RFT1: variants seen among roughly 807,000 people sequenced by gnomAD.
RFT1 encodes the protein man(5)GlcNAc(2)-PP-dolichol translocation protein RFT1.
Under a neutral mutation model 62.2 loss-of-function variants are expected in RFT1, and 43 were observed. The ratio of observed to expected loss-of-function variants is 0.69; its 90% CI spans 0.54 to 0.89. The LOEUF (loss-of-function observed/expected upper bound fraction) is 0.89. Ranked by LOEUF, RFT1 falls within the 40% of genes least tolerant of loss-of-function variation. The pLI, the probability that RFT1 is intolerant of heterozygous loss-of-function variation, is 0.00. For synonymous variants in RFT1, 262 were observed against 264.6 expected (o/e 0.99, Z 0.10); for missense variants, 605 against 649.9 (o/e 0.93, Z 0.75).
downstream of RFT1, among the ~76,000 whole-genome samples, chr3:53,086,886 G>A (rs1194869955): frequency 6.6e-6 from 1 of 152,130 alleles, no homozygotes; most frequent in Non-Finnish European, 1.5e-5. Context: ...CAAGCCCCCT[G>A]CACACCCGTC....
chr3:53,113,042 G>T (rs1052944331), intron 6 of RFT1, among the ~76,000 whole-genome samples: 1 of 152,106 alleles, frequency 6.6e-6, no homozygotes, highest in African/African-American at 2.4e-5. Context: ...TAGAAACAGG[G>T]TCTCACTCTA....
chr3:53,104,854 C>T (rs1186400246), intron 9 of RFT1, among the ~76,000 whole-genome samples: 1 of 152,208 alleles, frequency 6.6e-6, no homozygotes, highest in Non-Finnish European at 1.5e-5. Context: ...TTTACCAACC[C>T]GAGTATACAG....
At position 53,105,726 on chromosome 3, in the gene RFT1, T is replaced by C. The variant is rs748068081; in HGVS notation, c.904A>G (p.Ile302Val). 34 of 1,613,860 alleles carry C rather than the reference T, an allele frequency of 2.1e-5. No homozygotes were observed. Among genetic ancestry groups the C allele is most frequent in the Non-Finnish European group, 2.8e-5 (33 of 1,179,876 alleles). ...CTCTCCAGCACCTTAGCAAAAAATA[T>C]ATAAAAACTTTCCTCTATTGGCTGG... Reference protein sequence around the residue: ...IFQPIEESFYIFFAKVLERGK... With the variant: ...IFQPIEESFYVFFAKVLERGK... The change falls in exon 9 of 13, where the codon ATA (isoleucine) becomes GTA (valine). Residue 302 changes from isoleucine (I) to valine (V), a missense_variant. Physicochemically the swap from Ile to Val is conservative, Grantham distance 29. Transcript: ENST00000296292.
the RFT1 span, among the ~76,000 whole-genome samples, chr3:53,070,393 G>GGTTTTT: frequency 3.4e-4 from 29 of 85,464 alleles, 6 homozygotes; most frequent in South Asian, 4.9e-4. Context: ...CTGTATTATG[G>GGTTTTT]TTTTTTTTTT....
At chr3:53,087,463 G>T (rs986920894), downstream of RFT1, among the ~76,000 whole-genome samples, 5 of 152,022 alleles carry the variant, frequency 3.3e-5, no homozygotes, top group African/African-American at 9.7e-5. Flanking sequence ...TCCTCCTCCA[G>T]GTTCTGGATG....
chr3:53,120,072 A>T, intron 5 of RFT1, 51 bp from the exon 6 acceptor site: 1 of 1,476,214 alleles, frequency 6.8e-7, no homozygotes, highest in Non-Finnish European at 9.2e-7. Context: ...AGATATGCCT[A>T]TAAATTTGAT....
chr3:53,122,715 C>T (rs1380648111), intron 3 of RFT1, 152 bp from the exon 4 acceptor site: 19 of 375,010 alleles, frequency 5.1e-5, no homozygotes, highest in Middle Eastern at 8.2e-4. Context: ...CTATGATTCA[C>T]GCCGCTTATC....
Position 53,130,379 on chromosome 3 carries a change from C to T in RFT1, c.22G>A (p.Gly8Ser). Residue 8 changes from glycine to serine, a missense_variant, in exon 1 of 13, where the codon GGC becomes AGC. Coordinates refer to ENST00000296292, the MANE Select transcript of RFT1 (RefSeq NM_052859.4). Reference protein sequence around the residue: MGSQEVLGHAARLASSGL... With the variant: MGSQEVLSHAARLASSGL... ...GAGGAGGCCAGCCGGGCCGCGTGGC[C>T]CAGCACCTCCTGGCTGCCCATAGCC... 1 of 1,560,722 alleles carries T rather than the reference C, an allele frequency of 6.4e-7. No homozygotes were observed. Among genetic ancestry groups the T allele is most frequent in the Non-Finnish European group, 8.7e-7 (1 of 1,152,656 alleles).
the RFT1 span, among the ~76,000 whole-genome samples, chr3:53,078,831 C>A: frequency 6.6e-6 from 1 of 152,224 alleles, no homozygotes; most frequent in African/African-American, 2.4e-5. Context: ...TATGCACAGG[C>A]CCACTGGCTC....
intron 1 of RFT1, among the ~76,000 whole-genome samples, chr3:53,128,809 C>A (rs577932803): frequency 2.6e-5 from 4 of 152,300 alleles, no homozygotes. Flanking sequence ...CCGCGTCCAG[C>A]CAACTTTACA....
At position 53,105,706 on chromosome 3, in the gene RFT1, C is replaced by T. The variant is rs140603849; in HGVS notation, c.924G>A (p.Leu308=). Residue 308 remains leucine (L), a synonymous_variant, in exon 9 of 13, where the codon CTG becomes CTA. Transcript: ENST00000296292. ...GAAGTGTGGCATCCTTTCCCCTCTC[C>T]AGCACCTTAGCAAAAAATATATAAA... The part of the protein sequence containing the change: ...ESFYIFFAKV[L]ERGKDATLQK... 2,483 of 1,613,898 alleles carry T rather than the reference C, an allele frequency of 1.5e-3. 47 individuals are homozygous for T. The South Asian group carries it at 0.024, about 16-fold the overall frequency.
chr3:53,106,776 T>C, intron 8 of RFT1, 43 bp downstream of exon 8: 4 of 1,328,362 alleles, frequency 3.0e-6, no homozygotes, highest in South Asian at 1.2e-5. Context: ...TATCTATTAA[T>C]AGTGTTCACC....
At chr3:53,088,218 G>A (rs186703235), downstream of RFT1, among the ~76,000 whole-genome samples, 1 of 152,274 alleles carries the variant, frequency 6.6e-6, no homozygotes, top group African/African-American at 2.4e-5. Context: ...CGCAAACAAC[G>A]GGAAATACAG....
chr3:53,068,487 C>T, the RFT1 span, among the ~76,000 whole-genome samples: 3 of 152,226 alleles, frequency 2.0e-5, no homozygotes, highest in African/African-American at 7.2e-5. Flanking sequence ...ATCCTCACCA[C>T]AACCCTGCAA....
chr3:53,103,144 G>T (rs1456739230), intron 10 of RFT1: 22 of 985,270 alleles, frequency 2.2e-5, no homozygotes, highest in Non-Finnish European at 2.5e-5. Context: ...AACACCAAAA[G>T]TTTGGGCCCC....
intron 7 of RFT1, among the ~76,000 whole-genome samples, chr3:53,107,563 T>C (rs1701521919): frequency 1.3e-5 from 2 of 151,844 alleles, no homozygotes; most frequent in African/African-American, 2.4e-5. Flanking sequence ...TCCATGATTA[T>C]ATGCACAAGC....
chr3:53,099,133 C>G lies in RFT1; in HGVS notation c.1208+248G>C, dbSNP rs2581828. 0.51 allele frequency among the ~76,000 whole-genome samples: 77,955 copies of G among 151,890 alleles called. 21,650 individuals carry two copies. The highest frequency in any genetic ancestry group is 0.72 in the East Asian group (3,729 of 5,144). ...CTGGACTAATGTAACCTTTCAGAGC[C>G]GATGTTTCTTCCTCCACAAAGGGGA... On this transcript the variant is annotated intron_variant, in intron 11 of 12. Coordinates refer to ENST00000296292, the MANE Select transcript of RFT1 (RefSeq NM_052859.4).
intron 2 of RFT1, 24 bp downstream of exon 2, chr3:53,125,885 G>A: frequency 6.3e-7 from 1 of 1,579,534 alleles, no homozygotes; most frequent in Non-Finnish European, 8.7e-7. Flanking sequence ...AACTCTGACA[G>A]TGCCAGGGTG....
chr3:53,111,943 C>T (rs1458431005), intron 6 of RFT1, 35 bp from the exon 7 acceptor site: 2 of 1,532,894 alleles, frequency 1.3e-6, no homozygotes, highest in African/African-American at 2.7e-5. Context: ...AAAAACATCA[C>T]AGGCGTTGCA....
Sources: gnomAD v4.1 joint callset for allele counts (sites outside exome capture counted in the v4.1 genomes callset) on GRCh38, gnomAD v4.1.1 for gene constraint, MANE v1.5 for transcripts, NCBI Gene and HGNC (gene_info 2026-07-23, HGNC 2026-07-21) for gene names.